The following TMEM131 variants were observed in gnomAD, a reference collection of about 807,000 sequenced individuals.
The protein encoded by TMEM131 is 2610524E03Rik.
TMEM131 carries 66 observed loss-of-function variants against 211.6 expected under a neutral mutation model. That is an observed-to-expected ratio of 0.31 (90% CI 0.26 to 0.38). TMEM131 has a LOEUF of 0.38. Among genes scored for constraint, TMEM131 ranks in the 10% least tolerant of loss-of-function variants. The probability of loss-of-function intolerance (pLI) is 1.00; values close to 1 mark genes in which losing one functional copy is unlikely to be tolerated. For synonymous variants in TMEM131, 844 were observed against 841.3 expected (o/e 1.00, Z -0.06); for missense variants, 2,036 against 2,299.3 (o/e 0.89, Z 2.34).
At chr2:97,797,606 G>A in intron 25 of TMEM131, 90 bp from the exon 26 acceptor site, 1 of 1,196,824 alleles carries the variant, frequency 8.4e-7, no homozygotes, top group South Asian at 1.7e-5. Flanking sequence ...GCCCAGTATA[G>A]TTTCTCAAAC....
chr2:97,916,069 AC>A (rs1169450310), intron 2 of TMEM131, among the ~76,000 whole-genome samples: 1 of 152,104 alleles, frequency 6.6e-6, no homozygotes, highest in African/African-American at 2.4e-5. Flanking sequence ...ATGTGCCAGC[AC>A]GCCCAGCTAA....
intron 1 of TMEM131, among the ~76,000 whole-genome samples, chr2:97,972,986 G>A (rs1253113762): frequency 2.0e-5 from 3 of 152,152 alleles, no homozygotes; most frequent in Non-Finnish European, 2.9e-5. Flanking sequence ...GTATAGAGTA[G>A]GGGCCTACAA....
chr2:97,760,174 TAAAC>T (rs1318985079), intron 38 of TMEM131: 3 of 263,996 alleles, frequency 1.1e-5, no homozygotes, highest in Admixed American at 4.9e-5. Context: ...CCCTGCATGA[TAAAC>T]AAGCCTGCTC....
At position 97,837,119 on chromosome 2, in the gene TMEM131, T is replaced by C; in HGVS notation, c.762A>G (p.Leu254=). ...CTCCTTGTTGACCCGTTGGGAGTTC[T>C]AGGTGAAGGTCTCCTCCACTAGAGT... ...EMYSSGGDLH[L]ELPTGQQGGT... is the part of the protein sequence containing the mutation. The change falls in exon 8 of 41, where the codon CTA becomes CTG. Residue 254 remains leucine, a synonymous_variant. Transcript: ENST00000186436. 2 of 1,610,746 alleles carry C rather than the reference T, an allele frequency of 1.2e-6. No individual in the cohort carries two copies. The highest frequency in any genetic ancestry group is 2.2e-5 in the East Asian group (1 of 44,638).
chr2:97,930,340 A>C (rs1371683192), intron 1 of TMEM131, among the ~76,000 whole-genome samples: 1 of 151,878 alleles, frequency 6.6e-6, no homozygotes, highest in Admixed American at 6.5e-5. Context: ...GATCTAACTG[A>C]AGAGAACTAC....
At chr2:97,973,559 A>C (rs1473482919) in intron 1 of TMEM131, among the ~76,000 whole-genome samples, 10 of 152,252 alleles carry the variant, frequency 6.6e-5, no homozygotes, top group African/African-American at 2.4e-4. Flanking sequence ...AGTGAGCTGC[A>C]TAGAGAACCC....
At chr2:97,934,413 TAA>T (rs1677357441) in intron 1 of TMEM131, among the ~76,000 whole-genome samples, 1 of 152,152 alleles carries the variant, frequency 6.6e-6, no homozygotes, top group Non-Finnish European at 1.5e-5. Context: ...ATTCATGGAT[TAA>T]AAGACTCAAA....
At chr2:97,777,840 G>GCCAAA (rs543348200) in intron 31 of TMEM131, among the ~76,000 whole-genome samples, 4,734 of 152,036 alleles carry the variant, frequency 0.031, 80 homozygotes, top group Middle Eastern at 0.065. Context: ...GCCAAACCAA[G>GCCAAA]CCAAACCAAA....
chr2:97,800,855 A>T (rs1307192261), intron 25 of TMEM131, among the ~76,000 whole-genome samples: 1 of 152,222 alleles, frequency 6.6e-6, no homozygotes, highest in African/African-American at 2.4e-5. Flanking sequence ...TTGGCATCTT[A>T]CAGATGGGAA....
rs572260771 is a variant in TMEM131 at position 97,861,629 on chromosome 2, TCTGC to T, written c.360-2206_360-2203del. Among the ~76,000 whole-genome samples the T allele has an allele frequency of 5.9e-5, 9 of 151,666 alleles. No homozygotes were observed. In the South Asian group the frequency reaches 1.9e-3, roughly 32 times the overall value. On this transcript the variant is annotated intron_variant, in intron 4 of 40. Coordinates refer to ENST00000186436, the MANE Select transcript of TMEM131 (RefSeq NM_015348.2). ...GGTGGTGGCCATGGGGTAGGGATCT[TCTGC>T]CTGTGGAAAGGGGAGGGAAGAGTGG... is the stretch of plus-strand genomic sequence containing the variant.
At chr2:97,761,767 T>C (rs1314640972) in intron 36 of TMEM131, 3 of 364,352 alleles carry the variant, frequency 8.2e-6, no homozygotes, top group Non-Finnish European at 1.5e-5. Context: ...ACTGAGAATA[T>C]CACTCTAGTG....
Position 97,891,370 on chromosome 2 carries a change from C to G in TMEM131, c.291-3250G>C, listed in dbSNP as rs367922138. On this transcript the variant is annotated intron_variant, in intron 3 of 40. Coordinates refer to ENST00000186436, the MANE Select transcript of TMEM131 (RefSeq NM_015348.2). ...TAGCTGGGACTACAGATGCAGCATG[C>G]CAGTGTGCTGGGCTCACCCTTTGAC... Among the ~76,000 whole-genome samples, 16 of 152,086 alleles carry G rather than the reference C, an allele frequency of 1.1e-4. No individual in the cohort carries two copies. The East Asian group carries it at 2.9e-3, about 27-fold the overall frequency.
At chr2:97,856,670 A>T (rs948887784) in intron 5 of TMEM131, among the ~76,000 whole-genome samples, 4 of 152,236 alleles carry the variant, frequency 2.6e-5, no homozygotes, top group Non-Finnish European at 5.9e-5. Flanking sequence ...TCCTCGACAT[A>T]AGAAACTCTA....
intron 5 of TMEM131, among the ~76,000 whole-genome samples, chr2:97,853,300 T>A (rs1673699984): frequency 1.3e-5 from 2 of 151,976 alleles, no homozygotes; most frequent in African/African-American, 4.8e-5. Context: ...TAAATGCCAT[T>A]AAGAACATTT....
chr2:97,946,835 C>A (rs1285713283), intron 1 of TMEM131, among the ~76,000 whole-genome samples: 1 of 151,786 alleles, frequency 6.6e-6, no homozygotes, highest in Non-Finnish European at 1.5e-5. Flanking sequence ...GTCAAAATTT[C>A]AGCAAATGTA....
chr2:97,770,057 T>C (rs1679391588), intron 33 of TMEM131, among the ~76,000 whole-genome samples: 1 of 152,236 alleles, frequency 6.6e-6, no homozygotes, highest in South Asian at 2.1e-4. Flanking sequence ...TTAAAAGATG[T>C]GTACCTGTCC....
chr2:97,877,544 C>A (rs143788175), intron 4 of TMEM131, among the ~76,000 whole-genome samples: 6,255 of 152,152 alleles, frequency 0.041, 226 homozygotes, highest in African/African-American at 0.096. Flanking sequence ...GCCTCAGAAA[C>A]AACACCACAC....
chr2:97,846,346 T>C (rs1347678888), intron 5 of TMEM131, among the ~76,000 whole-genome samples: 1 of 152,200 alleles, frequency 6.6e-6, no homozygotes, highest in Non-Finnish European at 1.5e-5. Context: ...CAACACATCA[T>C]GAGCAAGTAG....
chr2:97,911,134 T>C (rs1009546542), intron 2 of TMEM131, among the ~76,000 whole-genome samples: 2 of 152,174 alleles, frequency 1.3e-5, no homozygotes, highest in African/African-American at 4.8e-5. Flanking sequence ...GCTATTGATA[T>C]ACAAAACAAC....
Sources: allele counts gnomAD v4.1 joint callset (sites outside exome capture counted in the v4.1 genomes callset), GRCh38; gene constraint gnomAD v4.1.1; transcripts MANE v1.5; gene names NCBI Gene and HGNC (gene_info 2026-07-23, HGNC 2026-07-21).